The following LAMA2 variants were observed in gnomAD, a reference collection of about 807,000 sequenced individuals.
LAMA2 encodes laminin subunit alpha 2.
A neutral mutation model predicts 364.8 loss-of-function variants in LAMA2; 269 were observed. The observed-to-expected ratio is 0.74, with a 90% confidence interval of 0.67 to 0.82. The LOEUF is 0.82. LAMA2 is among the 40% of genes least tolerant of loss of function. The pLI is 0.00. For synonymous variants in LAMA2, 1,379 were observed against 1,370.6 expected, an observed-to-expected ratio of 1.01 and a Z score of -0.14; for missense variants, 3,807 against 3,873.2, an observed-to-expected ratio of 0.98 and a Z score of 0.45.
At chr6:129,397,561 A>T (rs949052302) in intron 37 of LAMA2, among the ~76,000 whole-genome samples, 11 of 152,114 alleles carry the variant, frequency 7.2e-5, no homozygotes, top group African/African-American at 2.2e-4. Context: ...ACTTTTGTCA[A>T]TATTTGTGAG....
chr6:129,359,640 A>C (rs1777353295), intron 32 of LAMA2, among the ~76,000 whole-genome samples: 1 of 152,150 alleles, frequency 6.6e-6, no homozygotes, highest in African/African-American at 2.4e-5. Context: ...TTTAACATAC[A>C]CACATTAACA....
chr6:129,304,675 C>T (rs1773759670), intron 22 of LAMA2, among the ~76,000 whole-genome samples: 1 of 152,154 alleles, frequency 6.6e-6, no homozygotes, highest in Non-Finnish European at 1.5e-5. Flanking sequence ...GTTTGCACTC[C>T]ACATATTTTG....
Position 129,450,170 on chromosome 6 carries a change from T to TTA in LAMA2, c.6430-2818_6430-2817insTA, listed in dbSNP as rs377539567. 2.6e-3 allele frequency among the ~76,000 whole-genome samples: 390 copies of TTA among 152,066 alleles called. 4 individuals are homozygous for TTA. Among genetic ancestry groups the TTA allele is most frequent in the African/African-American group, 9.1e-3 (377 of 41,458 alleles). On this transcript the variant is annotated intron_variant, in intron 45 of 64. Transcript: ENST00000421865. ...TCATGGAATCCCGTTTTTTTTTTTT[T>TTA]ACCAGGCTTACCTAAGCAATGACTG...
chr6:128,958,435 T>C (rs535162861), intron 1 of LAMA2, among the ~76,000 whole-genome samples: 29 of 152,240 alleles, frequency 1.9e-4, no homozygotes, highest in African/African-American at 7.0e-4. Flanking sequence ...AAATAAAATA[T>C]TACTCATACA....
intron 12 of LAMA2, among the ~76,000 whole-genome samples, chr6:129,216,841 G>A (rs1044926577): frequency 2.6e-5 from 4 of 152,146 alleles, no homozygotes; most frequent in South Asian, 2.1e-4. Context: ...CATGTATTAA[G>A]ACCTTGTTTT....
At chr6:128,963,130 C>A (rs926334862) in intron 1 of LAMA2, among the ~76,000 whole-genome samples, 1 of 152,096 alleles carries the variant, frequency 6.6e-6, no homozygotes, top group Non-Finnish European at 1.5e-5. Context: ...TCTGGTGTAT[C>A]TCTGAAGTGT....
intron 1 of LAMA2, among the ~76,000 whole-genome samples, chr6:128,905,787 C>A (rs561470711): frequency 6.6e-6 from 1 of 151,606 alleles, no homozygotes; most frequent in Non-Finnish European, 1.5e-5. Flanking sequence ...CTCCCCACTC[C>A]CCCCACCCCA....
intron 3 of LAMA2, among the ~76,000 whole-genome samples, chr6:129,090,479 A>T (rs2114857784): frequency 6.6e-6 from 1 of 152,328 alleles, no homozygotes; most frequent in South Asian, 2.1e-4. Flanking sequence ...TTTTAAAAAC[A>T]GTTGAATCAG....
chr6:128,921,678 A>T (rs549342984), intron 1 of LAMA2, among the ~76,000 whole-genome samples: 2 of 150,180 alleles, frequency 1.3e-5, no homozygotes, highest in Admixed American at 1.3e-4. Flanking sequence ...CAGCCTCCTG[A>T]ACTGTGAAAT....
In LAMA2 at chr6:129,492,302, T is replaced by C; in HGVS notation, c.8076-13T>C. On this transcript the variant is annotated splice_polypyrimidine_tract_variant and intron_variant, in intron 57 of 64. Coordinates refer to ENST00000421865, the MANE Select transcript of LAMA2 (RefSeq NM_000426.4). Reference sequence around the variant, plus strand: ...ACGAAAATAAAAAAATCTTATTTATTACATTCTATTAGCCCCATGGACTTT... The same window carrying C: ...ACGAAAATAAAAAAATCTTATTTATCACATTCTATTAGCCCCATGGACTTT... 1 of 1,612,694 alleles carries C rather than the reference T, an allele frequency of 6.2e-7. No individual in the cohort carries two copies. The highest frequency in any genetic ancestry group is 8.5e-7 in the Non-Finnish European group (1 of 1,178,822).
chr6:129,306,197 T>C (rs1279823919), intron 22 of LAMA2, among the ~76,000 whole-genome samples: 1 of 151,916 alleles, frequency 6.6e-6, no homozygotes, highest in East Asian at 1.9e-4. Context: ...ATGCTTTAAA[T>C]TCCTTTGTGT....
At chr6:129,467,451 C>T (rs1425214481) in intron 51 of LAMA2, among the ~76,000 whole-genome samples, 19 of 151,846 alleles carry the variant, frequency 1.3e-4, no homozygotes, top group Admixed American at 1.1e-3. Context: ...GCCCAAACTT[C>T]ACTCTTATGC....
chr6:128,974,105 C>A (rs1039670006), intron 1 of LAMA2, among the ~76,000 whole-genome samples: 5 of 152,122 alleles, frequency 3.3e-5, no homozygotes, highest in Non-Finnish European at 7.4e-5. Flanking sequence ...GGTCAGACAC[C>A]AGCATGCTGT....
chr6:129,385,483 T>G (rs900206385), intron 35 of LAMA2, among the ~76,000 whole-genome samples: 4 of 152,130 alleles, frequency 2.6e-5, no homozygotes, highest in African/African-American at 7.2e-5. Flanking sequence ...GTTTGTCAGT[T>G]GTAATAAATT....
chr6:129,091,861 CA>C (rs1301190454), intron 3 of LAMA2, among the ~76,000 whole-genome samples: 8 of 152,180 alleles, frequency 5.3e-5, no homozygotes, highest in Admixed American at 1.3e-4. Flanking sequence ...TTGACTTAAA[CA>C]AGTCCACTTA....
intron 20 of LAMA2, chr6:129,292,753 TATC>T: frequency 1.0e-6 from 1 of 957,282 alleles, no homozygotes; most frequent in Non-Finnish European, 1.2e-6. Context: ...TCTTGAATAA[TATC>T]ATTGCTCTGT....
At chr6:129,443,249 CAT>C (rs1782207375) in intron 44 of LAMA2, among the ~76,000 whole-genome samples, 181 bp downstream of exon 44, 2 of 152,170 alleles carry the variant, frequency 1.3e-5, no homozygotes, top group South Asian at 2.1e-4. Context: ...ATAAAAAGGT[CAT>C]ATGTGGATAA....
intron 5 of LAMA2, among the ~76,000 whole-genome samples, chr6:129,146,047 A>C (rs1163840970): frequency 6.6e-6 from 1 of 151,996 alleles, no homozygotes; most frequent in East Asian, 1.9e-4. Flanking sequence ...CACTATATGT[A>C]TGTAACAAAA....
At chr6:129,230,783 T>C (rs891046100) in intron 12 of LAMA2, among the ~76,000 whole-genome samples, 2 of 152,186 alleles carry the variant, frequency 1.3e-5, no homozygotes, top group African/African-American at 4.8e-5. Flanking sequence ...TAACTGACGT[T>C]GTGGTTAAGC....
Sources: gnomAD v4.1 joint callset for allele counts (sites outside exome capture counted in the v4.1 genomes callset) on GRCh38, gnomAD v4.1.1 for gene constraint, MANE v1.5 for transcripts, NCBI Gene and HGNC (gene_info 2026-07-23, HGNC 2026-07-21) for gene names.